Variants in CSMD2 observed in about 807,000 individuals in gnomAD.
CSMD2 encodes CUB and sushi domain-containing protein 2.
A neutral mutation model predicts 398.5 loss-of-function variants in CSMD2; 130 were observed. That is an observed-to-expected ratio of 0.33 (90% CI 0.28 to 0.38). The LOEUF is 0.38. Ranked by LOEUF, CSMD2 falls within the 10% of genes least tolerant of loss-of-function variation. CSMD2 has a pLI of 1.00. For synonymous variants in CSMD2, 1,828 were observed against 1,908.5 expected (o/e 0.96, Z 1.10); for missense variants, 3,829 against 4,764.9 (o/e 0.80, Z 5.78).
chr1:34,093,004 C>A (rs1399846275), intron 1 of CSMD2, among the ~76,000 whole-genome samples: 2 of 152,156 alleles, frequency 1.3e-5, no homozygotes, highest in Admixed American at 1.3e-4. Context: ...ACTTAAATGT[C>A]CCTGTCTGAC....
In CSMD2 at chr1:34,103,543, C is replaced by A. The variant is rs139145349; in HGVS notation, c.188-14350G>T. 7.0e-3 allele frequency among the ~76,000 whole-genome samples: 1,062 copies of A among 152,182 alleles called. 11 individuals carry two copies. Among genetic ancestry groups the A allele is most frequent in the East Asian group, 0.053 (271 of 5,158 alleles). Reference sequence around the variant, plus strand: ...TTGATCTGACCTTGCGATTCGCCCACCTCGGCCTCCCAAAGTGCTGGGATT... The same window carrying A: ...TTGATCTGACCTTGCGATTCGCCCAACTCGGCCTCCCAAAGTGCTGGGATT... On this transcript the variant is annotated intron_variant, in intron 1 of 70. Transcript: ENST00000373381.
At chr1:33,900,721 A>T (rs546266839) in intron 5 of CSMD2, among the ~76,000 whole-genome samples, 1 of 152,170 alleles carries the variant, frequency 6.6e-6, no homozygotes, top group Admixed American at 6.5e-5. Flanking sequence ...CAGAGGTTGC[A>T]GTGAGCTGAG....
Position 34,121,750 on chromosome 1 carries a change from G to A in CSMD2, c.188-32557C>T, listed in dbSNP as rs116558443. ...GGGACCCTGGCTATGGTATGGCCGA[G>A]GTTGAGAACCAGCACTCCAGGGGCT... On this transcript the variant is annotated intron_variant, in intron 1 of 70. Transcript: ENST00000373381. 9.7e-3 allele frequency among the ~76,000 whole-genome samples: 1,477 copies of A among 152,194 alleles called. 21 individuals are homozygous for A. The highest frequency in any genetic ancestry group is 0.034 in the African/African-American group (1,421 of 41,506).
At chr1:33,547,123 C>T (rs1656981438) in intron 56 of CSMD2, among the ~76,000 whole-genome samples, 1 of 152,164 alleles carries the variant, frequency 6.6e-6, no homozygotes, top group Non-Finnish European at 1.5e-5. Flanking sequence ...ATCTCAGACC[C>T]TCTCATTTCA....
At chr1:34,052,567 T>C (rs924115263) in intron 2 of CSMD2, among the ~76,000 whole-genome samples, 4 of 150,624 alleles carry the variant, frequency 2.7e-5, no homozygotes, top group Non-Finnish European at 4.4e-5. Flanking sequence ...TCCTATAGGA[T>C]CTATTGAGTA....
intron 7 of CSMD2, 28 bp from the exon 8 acceptor site, chr1:33,820,584 A>AC (rs771889721): frequency 6.2e-6 from 7 of 1,132,814 alleles, no homozygotes; most frequent in African/African-American, 1.6e-5. Context: ...AAAAAAAAAA[A>AC]AAAACAGCAC....
At chr1:33,990,061 C>T (rs189222825) in intron 3 of CSMD2, among the ~76,000 whole-genome samples, 8 of 151,890 alleles carry the variant, frequency 5.3e-5, no homozygotes, top group East Asian at 3.9e-4. Context: ...ACCTGAGGTC[C>T]GGCATTCGAG....
At chr1:34,098,268 T>TG (rs1234403339) in intron 1 of CSMD2, among the ~76,000 whole-genome samples, 3 of 61,258 alleles carry the variant, frequency 4.9e-5, no homozygotes, top group African/African-American at 1.9e-4. Flanking sequence ...TGTTGTGGGG[T>TG]GGGGGGAGGG....
intron 4 of CSMD2, among the ~76,000 whole-genome samples, chr1:33,934,373 C>A (rs577970455): frequency 1.3e-5 from 2 of 152,160 alleles, no homozygotes; most frequent in African/African-American, 4.8e-5. Context: ...TCTGATTTGG[C>A]AAAATGATGC....
chr1:33,835,821 G>T (rs1660180471), intron 6 of CSMD2, among the ~76,000 whole-genome samples: 1 of 151,358 alleles, frequency 6.6e-6, no homozygotes, highest in Admixed American at 6.6e-5. Context: ...TCATCCTTTA[G>T]CTCATCATAG....
At chr1:33,788,311 C>G (rs1653787722) in intron 12 of CSMD2, among the ~76,000 whole-genome samples, 1 of 151,898 alleles carries the variant, frequency 6.6e-6, no homozygotes, top group African/African-American at 2.4e-5. Flanking sequence ...AGTTCGAGAT[C>G]AGCTTGGCCA....
chr1:34,027,778 T>C (rs1292354525), intron 3 of CSMD2, among the ~76,000 whole-genome samples: 2 of 152,158 alleles, frequency 1.3e-5, no homozygotes, highest in African/African-American at 2.4e-5. Flanking sequence ...TGTGTGCATA[T>C]GTGTGTGAGC....
At chr1:34,131,241 T>C (rs913782491) in intron 1 of CSMD2, among the ~76,000 whole-genome samples, 12 of 151,948 alleles carry the variant, frequency 7.9e-5, no homozygotes, top group African/African-American at 2.7e-4. Context: ...GACACTGAGG[T>C]GAAGAGAGGT....
chr1:33,904,203 A>G (rs1234132410), intron 5 of CSMD2, among the ~76,000 whole-genome samples: 2 of 152,242 alleles, frequency 1.3e-5, no homozygotes, highest in Non-Finnish European at 2.9e-5. Flanking sequence ...ACAGAGGGGT[A>G]GAAGCAGGGA....
intron 13 of CSMD2, among the ~76,000 whole-genome samples, chr1:33,756,433 G>A (rs80227999): frequency 0.024 from 3,713 of 152,258 alleles, 45 homozygotes; most frequent in Non-Finnish European, 0.029. Flanking sequence ...GACGAAAAAA[G>A]GAATGAATGG....
chr1:34,118,420 A>G (rs1661822205), intron 1 of CSMD2, among the ~76,000 whole-genome samples: 1 of 152,204 alleles, frequency 6.6e-6, no homozygotes, highest in Non-Finnish European at 1.5e-5. Flanking sequence ...TTGCCAGAGG[A>G]CAAGGGAAAG....
intron 12 of CSMD2, among the ~76,000 whole-genome samples, chr1:33,785,170 T>C (rs1324082219): frequency 6.6e-6 from 1 of 152,226 alleles, no homozygotes. Context: ...CTAGCTATTA[T>C]AATCACAGCA....
intron 58 of CSMD2, among the ~76,000 whole-genome samples, chr1:33,542,494 G>A (rs1410341430): frequency 6.6e-6 from 1 of 152,216 alleles, no homozygotes; most frequent in Non-Finnish European, 1.5e-5. Context: ...ACGGAGTTAC[G>A]GAGTTATGGT....
At chr1:33,760,577 C>T (rs897754307) in intron 13 of CSMD2, among the ~76,000 whole-genome samples, 9 of 152,082 alleles carry the variant, frequency 5.9e-5, no homozygotes, top group South Asian at 2.1e-4. Context: ...ATTAGCTGTA[C>T]GCATTTGGGA....
Sources: allele counts gnomAD v4.1 joint callset (sites outside exome capture counted in the v4.1 genomes callset), GRCh38; gene constraint gnomAD v4.1.1; transcripts MANE v1.5; gene names NCBI Gene and HGNC (gene_info 2026-07-23, HGNC 2026-07-21).